ZCCHC2: variants seen among roughly 807,000 people sequenced by gnomAD.
ZCCHC2 encodes zinc finger CCHC-type containing 2.
Under a neutral mutation model 103.6 loss-of-function variants are expected in ZCCHC2, and 39 were observed. The observed-to-expected ratio is 0.38, with a 90% confidence interval of 0.29 to 0.49. The LOEUF (loss-of-function observed/expected upper bound fraction) is 0.49, where lower values mean the gene tolerates loss of function less well. Ranked by LOEUF, ZCCHC2 falls within the 20% of genes least tolerant of loss-of-function variation. The pLI is 0.96. For synonymous variants in ZCCHC2, 687 were observed against 608.9 expected, an observed-to-expected ratio of 1.13 and a Z score of -1.89; for missense variants, 1,483 against 1,491.0, an observed-to-expected ratio of 0.99 and a Z score of 0.09.
At chr18:62,530,205 C>CA (rs2145486277) in intron 1 of ZCCHC2, among the ~76,000 whole-genome samples, 1 of 152,144 alleles carries the variant, frequency 6.6e-6, no homozygotes, top group African/African-American at 2.4e-5. Context: ...GTCATAGAGG[C>CA]TATGAGAAGA....
At chr18:62,540,016 G>A (rs1413605176) in intron 2 of ZCCHC2, among the ~76,000 whole-genome samples, 4 of 152,128 alleles carry the variant, frequency 2.6e-5, no homozygotes, top group Non-Finnish European at 5.9e-5. Context: ...CAGTCATTCT[G>A]CTCTGTAGTC....
In ZCCHC2 at chr18:62,560,622, A is replaced by G. The variant is rs770957081; in HGVS notation, c.1528A>G (p.Thr510Ala). The change falls in exon 8 of 14, where the codon ACT becomes GCT. Residue 510 changes from threonine to alanine, a missense_variant. Around this residue, in one of 3 missense-constraint regions of ZCCHC2, gnomAD observed 884 missense variants for 907.5 expected, o/e 0.97. Coordinates refer to ENST00000269499, the MANE Select transcript of ZCCHC2 (RefSeq NM_017742.6). ...LQHAIIHKKH[T>A]GKSPIVNNIG... ...GCATGCCATAATCCACAAGAAGCATACTGGGAAAAGTCCCATTGTGAAGTA... is the reference window on the plus strand; with the variant it reads ...GCATGCCATAATCCACAAGAAGCATGCTGGGAAAAGTCCCATTGTGAAGTA... 2 of 1,613,516 alleles carry G rather than the reference A, an allele frequency of 1.2e-6. No homozygotes were observed. The highest frequency in any genetic ancestry group is 1.7e-5 in the Admixed American group (1 of 59,996).
At chr18:62,555,915 G>A (rs528510180) in intron 5 of ZCCHC2, among the ~76,000 whole-genome samples, 2 of 152,180 alleles carry the variant, frequency 1.3e-5, no homozygotes, top group East Asian at 1.9e-4. Flanking sequence ...GACCACTTGG[G>A]CAAAGGCTGA....
intron 1 of ZCCHC2, 148 bp downstream of exon 1, chr18:62,524,511 C>G (rs1469175382): frequency 1.6e-6 from 2 of 1,283,794 alleles, no homozygotes; most frequent in African/African-American, 1.6e-5. Context: ...CGCCAGAGGG[C>G]TGAGCTTCGT....
intron 11 of ZCCHC2, 99 bp downstream of exon 11, chr18:62,565,195 A>C: frequency 2.3e-6 from 2 of 865,408 alleles, no homozygotes; most frequent in South Asian, 1.8e-5. Flanking sequence ...TCAAATCCTA[A>C]TACTATAAGT....
At chr18:62,529,553 T>C (rs925035007) in intron 1 of ZCCHC2, among the ~76,000 whole-genome samples, 3 of 152,192 alleles carry the variant, frequency 2.0e-5, no homozygotes, top group Non-Finnish European at 4.4e-5. Context: ...CAGCAAAGAA[T>C]AAAAGCAGTT....
intron 2 of ZCCHC2, among the ~76,000 whole-genome samples, chr18:62,542,200 G>A (rs1915219994): frequency 6.6e-6 from 1 of 152,050 alleles, no homozygotes; most frequent in African/African-American, 2.4e-5. Flanking sequence ...TTAATTGCAG[G>A]TACCTTTTAT....
chr18:62,535,386 C>T (rs555928397), intron 1 of ZCCHC2, among the ~76,000 whole-genome samples: 83 of 152,282 alleles, frequency 5.5e-4, no homozygotes, highest in African/African-American at 1.7e-3. Context: ...AAGGAGGAGA[C>T]CTATGAATCT....
intron 9 of ZCCHC2, 124 bp from the exon 10 acceptor site, chr18:62,564,447 G>A (rs986116222): frequency 3.1e-6 from 2 of 654,254 alleles, no homozygotes; most frequent in Non-Finnish European, 4.8e-6. Context: ...TCAAAAATAG[G>A]TTGGAAATCA....
intron 8 of ZCCHC2, among the ~76,000 whole-genome samples, 181 bp downstream of exon 8, chr18:62,560,825 C>T (rs1916085397): frequency 6.6e-6 from 1 of 151,508 alleles, no homozygotes; most frequent in Non-Finnish European, 1.5e-5. Flanking sequence ...TGTTTTTCTT[C>T]TGTGGTTTTT....
chr18:62,574,505 G>A lies in ZCCHC2; in HGVS notation c.2424G>A (p.Leu808=), dbSNP rs750502547. Residue 808 remains leucine, a synonymous_variant, in exon 13 of 14, where the codon TTG becomes TTA. Coordinates refer to ENST00000269499, the MANE Select transcript of ZCCHC2 (RefSeq NM_017742.6). ...TTCCACACAGTAGTACTCCCGCTTT[G>A]CATCTTACAGTTCAGAGGCTAAAGT... ...TFLPHSSTPA[L]HLTVQRLKLP... is the part of the protein sequence containing the mutation. 1.7e-5 allele frequency: 27 copies of A among 1,613,800 alleles called. No individual in the cohort carries two copies. Among genetic ancestry groups the A allele is most frequent in the African/African-American group, 2.7e-5 (2 of 74,890 alleles).
chr18:62,553,669 G>A (rs980862408), intron 5 of ZCCHC2, among the ~76,000 whole-genome samples: 1 of 152,112 alleles, frequency 6.6e-6, no homozygotes, highest in Non-Finnish European at 1.5e-5. Flanking sequence ...AAAGGTAGCA[G>A]CACTTTATGT....
intron 9 of ZCCHC2, among the ~76,000 whole-genome samples, chr18:62,563,955 A>T (rs979508052): frequency 3.3e-5 from 5 of 152,084 alleles, no homozygotes; most frequent in African/African-American, 9.7e-5. Flanking sequence ...GGCCTCGCAG[A>T]TATGGGGGGA....
intron 1 of ZCCHC2, among the ~76,000 whole-genome samples, chr18:62,531,179 C>G (rs1193239951): frequency 6.6e-6 from 1 of 152,040 alleles, no homozygotes; most frequent in Non-Finnish European, 1.5e-5. Context: ...CTTTTACTTA[C>G]AAAGAATTCT....
downstream of ZCCHC2, among the ~76,000 whole-genome samples, chr18:62,579,041 T>C (rs1040784038): frequency 9.9e-5 from 15 of 152,180 alleles, no homozygotes; most frequent in African/African-American, 3.6e-4. Context: ...GTGGTGGGAT[T>C]ACAGGCATGA....
rs752732600 is a variant in ZCCHC2 at position 62,570,088 on chromosome 18, T to A, written c.1847-15T>A. On this transcript the variant is annotated splice_polypyrimidine_tract_variant and intron_variant, in intron 11 of 13. Transcript: ENST00000269499. ...GACTTAACATGATTTTTTAAAATAG[T>A]GTTGTTATTTTTAGATGTGAATTTG... 3 of 1,572,494 alleles carry A rather than the reference T, an allele frequency of 1.9e-6. No individual in the cohort carries two copies. Among genetic ancestry groups the A allele is most frequent in the South Asian group, 1.2e-5 (1 of 84,130 alleles).
At chr18:62,525,716 A>C (rs1485060073) in intron 1 of ZCCHC2, among the ~76,000 whole-genome samples, 1 of 152,002 alleles carries the variant, frequency 6.6e-6, no homozygotes, top group African/African-American at 2.4e-5. Flanking sequence ...TCAAACTCAG[A>C]TGTAACGCTC....
chr18:62,529,019 G>T (rs537490762), intron 1 of ZCCHC2, among the ~76,000 whole-genome samples: 1 of 151,982 alleles, frequency 6.6e-6, no homozygotes, highest in Non-Finnish European at 1.5e-5. Flanking sequence ...AATTAGCTGG[G>T]CGTGGTGGCA....
In ZCCHC2 at chr18:62,575,129, G is replaced by A. The variant is rs1158458196; in HGVS notation, c.3048G>A (p.Gly1016=). ...GCTCAGGTCCTTGTGGTTCTTGTGG[G>A]CGAAGGTGCAGCTGTGGGACCAATG... is the stretch of plus-strand genomic sequence containing the variant. The part of the protein sequence containing the change: ...QMGSGPCGSC[G]RRCSCGTNGN... The change falls in exon 13 of 14, where the codon GGG becomes GGA. Residue 1016 remains glycine (G), a synonymous_variant. Coordinates refer to ENST00000269499, the MANE Select transcript of ZCCHC2 (RefSeq NM_017742.6). 6.2e-7 allele frequency: 1 copy of A among 1,614,010 alleles called. No homozygotes were observed. Among genetic ancestry groups the A allele is most frequent in the Admixed American group, 1.7e-5 (1 of 60,012 alleles).
Sources: gnomAD v4.1 joint callset for allele counts (sites outside exome capture counted in the v4.1 genomes callset) on GRCh38, gnomAD v4.1.1 for gene constraint, gnomAD v4.1.1 regional missense constraint, MANE v1.5 for transcripts, NCBI Gene and HGNC (gene_info 2026-07-23, HGNC 2026-07-21) for gene names.